The following ODAD1 variants were observed in gnomAD, a reference collection of about 807,000 sequenced individuals.
The protein encoded by ODAD1 is outer dynein arm-docking complex subunit 1.
Under a neutral mutation model 67.2 loss-of-function variants are expected in ODAD1, and 49 were observed. The observed-to-expected ratio is 0.73, with a 90% CI of 0.58 to 0.92. ODAD1 has a LOEUF of 0.92. Ranked by LOEUF, ODAD1 falls within the 40% of genes least tolerant of loss-of-function variation. The pLI is 0.00. For missense variants in ODAD1, 897 were observed against 953.7 expected, an observed-to-expected ratio of 0.94 and a Z score of 0.78; for synonymous variants, 345 against 393.7, an observed-to-expected ratio of 0.88 and a Z score of 1.46.
intron 3 of ODAD1, 132 bp from the exon 4 acceptor site, chr19:48,318,944 C>T: frequency 3.2e-6 from 2 of 630,250 alleles, no homozygotes; most frequent in Non-Finnish European, 2.9e-6. Context: ...GCCCCCAACA[C>T]CCCTCTAGGA....
chr19:48,315,959 G>T (rs1024070239), intron 5 of ODAD1, among the ~76,000 whole-genome samples: 1 of 152,194 alleles, frequency 6.6e-6, no homozygotes, highest in African/African-American at 2.4e-5. Flanking sequence ...TACAAATCAA[G>T]TTGGGTTGTT....
intron 7 of ODAD1, among the ~76,000 whole-genome samples, chr19:48,306,831 G>T (rs1344641154): frequency 6.6e-6 from 1 of 152,136 alleles, no homozygotes. Context: ...CAGATCACCT[G>T]AGCTTGGGAG....
chr19:48,306,315 G>A lies in ODAD1; in HGVS notation c.606C>T (p.His202=). ...NVDRKLKKEI[H]HLHHLVSTLI... ...GGGTGCTGACCAGGTGATGCAGGTGGTGGATCTCCTGTGGGGGGAGGAGAA... is the reference window on the plus strand; with the variant it reads ...GGGTGCTGACCAGGTGATGCAGGTGATGGATCTCCTGTGGGGGGAGGAGAA... Residue 202 remains histidine, a synonymous_variant, in exon 8 of 16, where the codon CAC becomes CAT. Coordinates refer to ENST00000674294, the MANE Select transcript of ODAD1 (RefSeq NM_001364171.2). 1 of 1,551,370 alleles carries A rather than the reference G, an allele frequency of 6.4e-7. No homozygotes were observed. The highest frequency in any genetic ancestry group is 1.4e-5 in the African/African-American group (1 of 73,110).
In ODAD1 at chr19:48,312,104, C is replaced by T. The variant is rs1279090224; in HGVS notation, c.373G>A (p.Glu125Lys). ...RALDKQIQEWETRIFTHSKNV... is the reference protein window; with the variant it reads ...RALDKQIQEWKTRIFTHSKNV... ...TTACTGTGGGTAAAGATCCGCGTCT[C>T]CCACTCCTGGATCTACAAGAAAGAG... Residue 125 changes from glutamate to lysine, a missense_variant, in exon 6 of 16, where the codon GAG becomes AAG. Coordinates refer to ENST00000674294, the MANE Select transcript of ODAD1 (RefSeq NM_001364171.2). 3 of 1,551,342 alleles carry T rather than the reference C, an allele frequency of 1.9e-6. No individual in the cohort carries two copies. Among genetic ancestry groups the T allele is most frequent in the Non-Finnish European group, 2.6e-6 (3 of 1,146,452 alleles).
intron 1 of ODAD1, 22 bp downstream of exon 1, chr19:48,321,656 G>C: frequency 2.6e-6 from 1 of 386,174 alleles, no homozygotes; most frequent in Non-Finnish European, 4.6e-6. Flanking sequence ...TGGGGAGGTC[G>C]AGGCTGAGGT....
chr19:48,298,778 G>T (rs1402760820), intron 12 of ODAD1, among the ~76,000 whole-genome samples: 1 of 152,208 alleles, frequency 6.6e-6, no homozygotes, highest in Non-Finnish European at 1.5e-5. Flanking sequence ...CTCGCCCCCA[G>T]TGCCTGGGCG....
intron 3 of ODAD1, 33 bp from the exon 4 acceptor site, chr19:48,318,845 G>A (rs1304941531): frequency 7.2e-7 from 1 of 1,398,572 alleles, no homozygotes; most frequent in African/African-American, 1.4e-5. Context: ...GACTCAGCAG[G>A]GATCCTGGCC....
At chr19:48,302,916 T>G (rs1600860511) in intron 11 of ODAD1, 54 bp from the exon 12 acceptor site, 1 of 1,605,022 alleles carries the variant, frequency 6.2e-7, no homozygotes, top group Non-Finnish European at 8.5e-7. Flanking sequence ...GAGTTGGGGG[T>G]GTGGAGCTAG....
At chr19:48,316,725 C>G (rs1418075798) in intron 5 of ODAD1, among the ~76,000 whole-genome samples, 1 of 152,128 alleles carries the variant, frequency 6.6e-6, no homozygotes, top group Non-Finnish European at 1.5e-5. Context: ...GAGCCAGGCA[C>G]AATGGCTCAC....
In ODAD1 at chr19:48,303,999, G is replaced by A. The variant is rs200808081; in HGVS notation, c.807C>T (p.Asn269=). The A allele has an allele frequency of 4.6e-5, 75 of 1,614,110 alleles. 1 individual carries two copies. Among genetic ancestry groups the A allele is most frequent in the African/African-American group, 9.3e-5 (7 of 74,950 alleles). Residue 269 remains asparagine (N), a synonymous_variant, in exon 9 of 16, where the codon AAC becomes AAT. Coordinates refer to ENST00000674294, the MANE Select transcript of ODAD1 (RefSeq NM_001364171.2). ...QLHHFLKLKN[N]DRQPDPDVLE... The stretch of plus-strand genomic sequence containing the variant: ...GGACATCGGGATCCGGCTGCCGGTC[G>A]TTGTTCTTGAGCTTGAGGAAGTGGT...
chr19:48,320,411 A>C lies in ODAD1; in HGVS notation c.-23-20T>G. 6 of 1,243,546 alleles carry C rather than the reference A, an allele frequency of 4.8e-6. No individual in the cohort carries two copies. Among genetic ancestry groups the C allele is most frequent in the Non-Finnish European group, 5.2e-6 (5 of 957,318 alleles). The allele number at this position is 1,243,546 out of a possible 1,614,324, so 77.0% of individuals were successfully genotyped here. ...GGGCTCCTGTAGGGATGGACATATA[A>C]GACCCTTCAGACAGCAGGCGGGCCA... On this transcript the variant is annotated intron_variant, in intron 2 of 15. Coordinates refer to ENST00000674294, the MANE Select transcript of ODAD1 (RefSeq NM_001364171.2).
chr19:48,316,129 A>G (rs1968892538), intron 5 of ODAD1, among the ~76,000 whole-genome samples: 1 of 152,172 alleles, frequency 6.6e-6, no homozygotes. Context: ...CTGTAATCCC[A>G]GCACTTTGGA....
chr19:48,297,030 G>A lies in ODAD1; in HGVS notation c.2070C>T (p.Gly690=), dbSNP rs878855210. 6.2e-7 allele frequency: 1 copy of A among 1,611,848 alleles called. No homozygotes were observed. The highest frequency in any genetic ancestry group is 8.5e-7 in the Non-Finnish European group (1 of 1,179,710). ...AGCCCGGGCCAGTGCTGGAGGCAGGGCCGGTGCTGGAGACGTGGTCTCTGC... is the reference window on the plus strand; with the variant it reads ...AGCCCGGGCCAGTGCTGGAGGCAGGACCGGTGCTGGAGACGTGGTCTCTGC... ...GSSRDHVSST[G]PASSTGPGSS... Residue 690 remains glycine, a synonymous_variant, in exon 16 of 16, where the codon GGC becomes GGT. Coordinates refer to ENST00000674294, the MANE Select transcript of ODAD1 (RefSeq NM_001364171.2).
At chr19:48,315,190 C>T (rs1968865974) in intron 5 of ODAD1, among the ~76,000 whole-genome samples, 1 of 151,960 alleles carries the variant, frequency 6.6e-6, no homozygotes, top group Non-Finnish European at 1.5e-5. Flanking sequence ...AAGCAATCCT[C>T]CTGCCTCAGT....
chr19:48,302,668 G>T, intron 12 of ODAD1, 26 bp downstream of exon 12: 3 of 1,589,112 alleles, frequency 1.9e-6, no homozygotes, highest in South Asian at 1.1e-5. Flanking sequence ...AGCCAGGCTC[G>T]GGAGGGGGCG....
rs568116608 is a variant in ODAD1, at chr19:48,307,582, G to A, written c.598-1259C>T. Among the ~76,000 whole-genome samples the A allele has an allele frequency of 1.5e-4, 23 of 152,240 alleles. No homozygotes were observed. In the East Asian group the frequency reaches 3.3e-3, roughly 22 times the overall value. On this transcript the variant is annotated intron_variant, in intron 7 of 15. Transcript: ENST00000674294. Reference sequence around the variant, plus strand: ...TGTAATCCCAGCACTGTGGGAGGCCGAGGTGGGCGGATCACGAGGTCAGGA... The same window carrying A: ...TGTAATCCCAGCACTGTGGGAGGCCAAGGTGGGCGGATCACGAGGTCAGGA...
intron 14 of ODAD1, 115 bp from the exon 15 acceptor site, chr19:48,297,783 C>G: frequency 9.7e-7 from 1 of 1,032,116 alleles, no homozygotes; most frequent in African/African-American, 1.6e-5. Flanking sequence ...CCCGAGTGCC[C>G]TTCCCTTCTG....
At chr19:48,308,906 C>T (rs1294946557) in intron 7 of ODAD1, among the ~76,000 whole-genome samples, 1 of 152,036 alleles carries the variant, frequency 6.6e-6, no homozygotes, top group African/African-American at 2.4e-5. Context: ...CAGACCCGGG[C>T]CTCCCACTCC....
At chr19:48,303,213 A>G in intron 10 of ODAD1, 118 bp from the exon 11 acceptor site, 2 of 783,388 alleles carry the variant, frequency 2.6e-6, no homozygotes, top group Non-Finnish European at 4.5e-6. Context: ...GGAAGGCCAC[A>G]CAGAAACCAA....
Sources: gnomAD v4.1 joint callset for allele counts (sites outside exome capture counted in the v4.1 genomes callset) on GRCh38, gnomAD v4.1.1 for gene constraint, MANE v1.5 for transcripts, NCBI Gene and HGNC (gene_info 2026-07-23, HGNC 2026-07-21) for gene names.